Variants in HFM1 observed in about 807,000 individuals in gnomAD.
The protein encoded by HFM1 is helicase for meiosis 1, also known as probable ATP-dependent DNA helicase HFM1.
HFM1 carries 169 observed loss-of-function variants against 192.1 expected under a neutral mutation model. The observed-to-expected ratio is 0.88, with a 90% CI of 0.78 to 1.00. The LOEUF (loss-of-function observed/expected upper bound fraction) is 1.00, where lower values mean the gene tolerates loss of function less well. Ranked by LOEUF, HFM1 falls within the 50% of genes least tolerant of loss-of-function variation. The probability of loss-of-function intolerance (pLI) is 0.00; values close to 1 mark genes in which losing one functional copy is unlikely to be tolerated. For missense variants in HFM1, 1,661 were observed against 1,668.0 expected, an observed-to-expected ratio of 1.00 and a Z score of 0.07; for synonymous variants, 525 against 537.8, an observed-to-expected ratio of 0.98 and a Z score of 0.33.
At chr1:91,346,790 C>T (rs1029291398) in intron 19 of HFM1, among the ~76,000 whole-genome samples, 7 of 152,082 alleles carry the variant, frequency 4.6e-5, no homozygotes, top group African/African-American at 1.7e-4. Flanking sequence ...AGCCCATAAT[C>T]AATCTAGGCT....
At position 91,394,390 on chromosome 1, in the gene HFM1, C is replaced by T. The variant is rs1444049830; in HGVS notation, c.197G>A (p.Arg66Lys). 2.0e-6 allele frequency: 3 copies of T among 1,518,888 alleles called. No individual in the cohort carries two copies. The South Asian group carries it at 3.6e-5, about 18-fold the overall frequency. The allele number at this position is 1,518,888 out of a possible 1,614,324, so 94.1% of individuals were successfully genotyped here. The change falls in exon 4 of 39, where the codon AGG becomes AAG. Residue 66 changes from arginine (R) to lysine (K), a missense_variant. Physicochemically the swap from Arg to Lys is conservative, Grantham distance 26. Coordinates refer to ENST00000370425, the MANE Select transcript of HFM1 (RefSeq NM_001017975.6). ...TAAATTTGATGTTAACATTTTTGGC[C>T]TCTTTTCCTGACCTACAAAAAAGGA... ...ESHKLLGQEK[R>K]PKMLTSNLKI...
chr1:91,341,320 G>A (rs1439404380), intron 20 of HFM1, among the ~76,000 whole-genome samples: 1 of 152,144 alleles, frequency 6.6e-6, no homozygotes, highest in Non-Finnish European at 1.5e-5. Context: ...TAAACAACAT[G>A]CTTCTGAAAG....
chr1:91,275,184 TATG>T (rs1457935116), intron 32 of HFM1, among the ~76,000 whole-genome samples: 2 of 151,966 alleles, frequency 1.3e-5, no homozygotes, highest in Non-Finnish European at 2.9e-5. Context: ...GGGGTTTCAC[TATG>T]TTGGCCAGGC....
intron 20 of HFM1, among the ~76,000 whole-genome samples, chr1:91,331,838 G>C (rs1474853097): frequency 1.3e-5 from 2 of 152,202 alleles, no homozygotes; most frequent in African/African-American, 4.8e-5. Flanking sequence ...AGAGGTTGCA[G>C]TGAGCCAAGA....
At chr1:91,268,832 G>C (rs549995272) in intron 34 of HFM1, among the ~76,000 whole-genome samples, 2 of 152,012 alleles carry the variant, frequency 1.3e-5, no homozygotes, top group Non-Finnish European at 2.9e-5. Context: ...GCTCTCATGT[G>C]AATGTTGTTT....
chr1:91,380,923 C>CCT lies in HFM1; in HGVS notation c.860_861dup (p.Ala288ArgfsTer14). Reference sequence around the variant, plus strand: ...AATAAAATACTTACATCATCAAAGGCCTTGGACTGTATATAGTTGAAATAT... The same window carrying CCT: ...AATAAAATACTTACATCATCAAAGGCCTCTTGGACTGTATATAGTTGAAATAT... On this transcript the variant is annotated frameshift_variant, in exon 7 of 39. Coordinates refer to ENST00000370425, the MANE Select transcript of HFM1 (RefSeq NM_001017975.6). LOFTEE classifies it high-confidence loss of function. 7.1e-7 allele frequency: 1 copy of CCT among 1,410,824 alleles called. No individual in the cohort carries two copies. Among genetic ancestry groups the CCT allele is most frequent in the Non-Finnish European group, 1.0e-6 (1 of 1,001,264 alleles). 87.4% of individuals were successfully genotyped at this position (1,410,824 alleles called of 1,614,324 possible).
intron 20 of HFM1, chr1:91,329,041 A>G (rs972282718): frequency 3.1e-6 from 5 of 1,611,306 alleles, no homozygotes; most frequent in South Asian, 1.1e-5. Context: ...AACCAGGAAC[A>G]GTTTGTGGAT....
intron 10 of HFM1, 53 bp downstream of exon 10, chr1:91,378,350 C>T: frequency 2.8e-6 from 4 of 1,421,460 alleles, no homozygotes; most frequent in Admixed American, 3.6e-5. Context: ...TTCTTTCTGT[C>T]TTATTCTAAT....
chr1:91,376,041 TC>T (rs1274988849), intron 11 of HFM1, among the ~76,000 whole-genome samples: 1 of 152,024 alleles, frequency 6.6e-6, no homozygotes, highest in Non-Finnish European at 1.5e-5. Flanking sequence ...GCCAAATTTC[TC>T]ACTATTATTT....
At chr1:91,403,699 G>A (rs938477280) in intron 1 of HFM1, among the ~76,000 whole-genome samples, 2 of 152,018 alleles carry the variant, frequency 1.3e-5, no homozygotes, top group Non-Finnish European at 2.9e-5. Flanking sequence ...TGTCTGCTCT[G>A]CTATAATCAC....
chr1:91,391,445 T>C (rs1386926247), intron 4 of HFM1, among the ~76,000 whole-genome samples: 5 of 152,058 alleles, frequency 3.3e-5, no homozygotes, highest in Admixed American at 3.3e-4. Context: ...AGAAATAATA[T>C]CACACATCTA....
chr1:91,370,427 T>C (rs1571144965), intron 13 of HFM1, among the ~76,000 whole-genome samples: 2 of 152,226 alleles, frequency 1.3e-5, no homozygotes, highest in East Asian at 3.8e-4. Context: ...GATGCAAGCC[T>C]GGTTCAACAC....
intron 30 of HFM1, among the ~76,000 whole-genome samples, chr1:91,309,246 G>A (rs541035087): frequency 1.3e-5 from 2 of 152,252 alleles, no homozygotes; most frequent in East Asian, 3.9e-4. Context: ...CCCCTTATGG[G>A]GTCAAAAGGG....
intron 30 of HFM1, among the ~76,000 whole-genome samples, chr1:91,313,148 T>G (rs1650717357): frequency 6.6e-6 from 1 of 152,138 alleles, no homozygotes; most frequent in Non-Finnish European, 1.5e-5. Context: ...ATAAAAAAAT[T>G]TGTCCCCCAA....
intron 30 of HFM1, among the ~76,000 whole-genome samples, chr1:91,295,488 T>TA (rs1300660157): frequency 6.6e-6 from 1 of 152,148 alleles, no homozygotes; most frequent in Non-Finnish European, 1.5e-5. Flanking sequence ...CCTCTTCTTA[T>TA]AAGAACACCA....
chr1:91,324,812 C>T lies in HFM1; in HGVS notation c.2336-46G>A, dbSNP rs571077830. ...ATGAACGGTCCCCTCATCAGCTGAA[C>T]CAACTGTTTTTTTATGTTTAACAAA... is the stretch of plus-strand genomic sequence containing the variant. On this transcript the variant is annotated intron_variant, in intron 20 of 38. Coordinates refer to ENST00000370425, the MANE Select transcript of HFM1 (RefSeq NM_001017975.6). 2.6e-5 allele frequency: 26 copies of T among 1,006,012 alleles called. 1 individual carries two copies. The African/African-American group carries it at 3.7e-4, about 14-fold the overall frequency. 62.3% of individuals were successfully genotyped at this position (1,006,012 alleles called of 1,614,324 possible). A position where few individuals can be genotyped will look rare whatever the true frequency, so the allele number is the denominator to read the frequency against.
chr1:91,289,721 C>T (rs979574718), intron 30 of HFM1, among the ~76,000 whole-genome samples: 18 of 152,192 alleles, frequency 1.2e-4, no homozygotes, highest in African/African-American at 4.1e-4. Flanking sequence ...ACCAGTCAGG[C>T]GTGGCGGCGC....
At chr1:91,354,323 C>G (rs894098983) in intron 13 of HFM1, among the ~76,000 whole-genome samples, 2 of 151,742 alleles carry the variant, frequency 1.3e-5, no homozygotes, top group Middle Eastern at 3.2e-3. Context: ...AAAGAGTGAA[C>G]AAAGCCTATA....
intron 30 of HFM1, among the ~76,000 whole-genome samples, chr1:91,302,394 A>G (rs183265689): frequency 1.1e-4 from 16 of 152,146 alleles, no homozygotes; most frequent in Admixed American, 3.9e-4. Context: ...AGGGATCTAG[A>G]ACTAGAAATA....
Sources: allele counts gnomAD v4.1 joint callset (sites outside exome capture counted in the v4.1 genomes callset), GRCh38; gene constraint gnomAD v4.1.1; transcripts MANE v1.5; gene names NCBI Gene and HGNC (gene_info 2026-07-23, HGNC 2026-07-21).